Variants in RPS5 observed in about 807,000 individuals in gnomAD.
RPS5 encodes small ribosomal subunit protein uS7.
In RPS5, 2 loss-of-function variants were observed where a neutral mutation model predicts 20.9. That is an observed-to-expected ratio of 0.10 (90% confidence interval 0.04 to 0.30). The LOEUF (loss-of-function observed/expected upper bound fraction) is 0.30. Among genes scored for constraint, RPS5 ranks in the 10% least tolerant of loss-of-function variants. The pLI, the probability that RPS5 is intolerant of heterozygous loss-of-function variation, is 1.00. For missense variants in RPS5, 122 were observed against 287.2 expected, an observed-to-expected ratio of 0.42 and a Z score of 4.16; for synonymous variants, 112 against 105.8, an observed-to-expected ratio of 1.06 and a Z score of -0.36.
Position 58,393,164 on chromosome 19 carries a change from C to T in RPS5, c.297C>T (p.Ile99=), listed in dbSNP as rs149481790. The change falls in exon 3 of 6, where the codon ATC becomes ATT. Residue 99 remains isoleucine, a synonymous_variant. Coordinates refer to ENST00000196551, the MANE Select transcript of RPS5 (RefSeq NM_001009.4). ...TVRIVKHAFE[I]IHLLTGENPL... is the part of the protein sequence containing the mutation. Reference sequence around the variant, plus strand: ...GCATCGTCAAGCATGCCTTCGAGATCATACACCTGCTCACAGGCGAGGTAG... The same window carrying T: ...GCATCGTCAAGCATGCCTTCGAGATTATACACCTGCTCACAGGCGAGGTAG... The T allele has an allele frequency of 8.7e-6, 14 of 1,613,984 alleles. No homozygotes were observed. In the African/African-American group the frequency reaches 1.3e-4, roughly 15 times the overall value.
chr19:58,392,922 G>C, intron 2 of RPS5, 54 bp from the exon 3 acceptor site: 1 of 1,557,840 alleles, frequency 6.4e-7, no homozygotes, highest in African/African-American at 1.4e-5. Context: ...TCTGGCCAAC[G>C]CCCATGCTGC....
At chr19:58,394,112 TGTC>T (rs1004903689) in intron 4 of RPS5, 9 of 207,362 alleles carry the variant, frequency 4.3e-5, no homozygotes, top group African/African-American at 1.6e-4. Flanking sequence ...CCTTTTTTGT[TGTC>T]GTCGGTTTTT....
At chr19:58,388,830 C>T (rs910532329) in intron 2 of RPS5, among the ~76,000 whole-genome samples, 1 of 151,836 alleles carries the variant, frequency 6.6e-6, no homozygotes, top group Non-Finnish European at 1.5e-5. Flanking sequence ...AGGGTTTCAC[C>T]GAGTTAGCCA....
chr19:58,389,630 GTTTA>G lies in RPS5; in HGVS notation c.108+1401_108+1404del, dbSNP rs577166239. Reference sequence around the variant, plus strand: ...TAAATATTATTATTATTTTTTGTTTGTTTATTTATTTATTTATTTTTTTGAAACG... The same window carrying G: ...TAAATATTATTATTATTTTTTGTTTGTTTATTTATTTATTTTTTTGAAACG... On this transcript the variant is annotated intron_variant, in intron 2 of 5. Coordinates refer to ENST00000196551, the MANE Select transcript of RPS5 (RefSeq NM_001009.4). Among the ~76,000 whole-genome samples the G allele has an allele frequency of 7.6e-4, 116 of 151,728 alleles. 1 individual carries two copies. Among genetic ancestry groups the G allele is most frequent in the Non-Finnish European group, 1.3e-3 (87 of 67,912 alleles).
chr19:58,394,280 C>T, intron 4 of RPS5: 1 of 561,880 alleles, frequency 1.8e-6, no homozygotes, highest in South Asian at 2.0e-5. Context: ...TCTCAATCTC[C>T]TGTCACTGGG....
intron 2 of RPS5, among the ~76,000 whole-genome samples, chr19:58,391,472 G>A (rs537519331): frequency 4.1e-5 from 6 of 146,620 alleles, no homozygotes; most frequent in Non-Finnish European, 7.4e-5. Context: ...GCATGGTGAC[G>A]CATGTCTGTA....
chr19:58,388,075 T>C (rs1323580092), intron 1 of RPS5, 62 bp from the exon 2 acceptor site: 1 of 1,140,130 alleles, frequency 8.8e-7, no homozygotes, highest in Non-Finnish European at 1.3e-6. Context: ...TGGGAATGAG[T>C]GCGCCTTTGC....
At chr19:58,393,586 T>A in intron 4 of RPS5, 99 bp downstream of exon 4, 2 of 1,431,616 alleles carry the variant, frequency 1.4e-6, no homozygotes, top group Non-Finnish European at 1.9e-6. Flanking sequence ...CTGCATGTTT[T>A]ACCTGCAGCA....
At chr19:58,392,416 G>A (rs2052369620) in intron 2 of RPS5, among the ~76,000 whole-genome samples, 1 of 151,964 alleles carries the variant, frequency 6.6e-6, no homozygotes, top group African/African-American at 2.4e-5. Context: ...ACAAGGCCAG[G>A]AGTTCAAGAC....
chr19:58,392,924 C>A, intron 2 of RPS5, 52 bp from the exon 3 acceptor site: 1 of 1,568,528 alleles, frequency 6.4e-7, no homozygotes. Flanking sequence ...TGGCCAACGC[C>A]CATGCTGCTC....
chr19:58,393,536 T>C (rs1292682910), intron 4 of RPS5, 49 bp downstream of exon 4: 2 of 1,581,386 alleles, frequency 1.3e-6, no homozygotes, highest in East Asian at 2.3e-5. Context: ...GCCACGGGAG[T>C]GGGTGGGGTC....
intron 4 of RPS5, 59 bp from the exon 5 acceptor site, chr19:58,394,438 C>A: frequency 6.8e-7 from 1 of 1,476,192 alleles, no homozygotes; most frequent in Non-Finnish European, 9.5e-7. Flanking sequence ...TGGGAGTGGC[C>A]CCAGGGTGCT....
intron 2 of RPS5, among the ~76,000 whole-genome samples, chr19:58,391,337 CA>C (rs1189160790): frequency 4.1e-5 from 6 of 147,574 alleles, no homozygotes; most frequent in Non-Finnish European, 1.5e-5. Flanking sequence ...GAGGCTGATG[CA>C]GGAGAATCGC....
At chr19:58,389,385 G>A (rs577803638) in intron 2 of RPS5, among the ~76,000 whole-genome samples, 1 of 152,016 alleles carries the variant, frequency 6.6e-6, no homozygotes, top group Non-Finnish European at 1.5e-5. Flanking sequence ...GGATCTTCCT[G>A]TCTTAGACTC....
chr19:58,388,272 C>A, intron 2 of RPS5, 27 bp downstream of exon 2: 1 of 1,503,794 alleles, frequency 6.6e-7, no homozygotes, highest in Non-Finnish European at 9.2e-7. Flanking sequence ...GATTGGCCTT[C>A]CTGGCTGGGG....
chr19:58,389,301 ACT>A (rs1273179286), intron 2 of RPS5, among the ~76,000 whole-genome samples: 1 of 151,776 alleles, frequency 6.6e-6, no homozygotes, highest in Admixed American at 6.6e-5. Flanking sequence ...AGATAAGATC[ACT>A]CTCTGTCACC....
chr19:58,387,747 G>A (rs1184511202), intron 1 of RPS5: 2 of 245,050 alleles, frequency 8.2e-6, no homozygotes, highest in South Asian at 4.6e-5. Context: ...TAACGGTCCC[G>A]CCTCACGGCC....
Position 58,393,412 on chromosome 19 carries a change from C to T in RPS5, c.372C>T (p.Asp124=), listed in dbSNP as rs2052376660. ...TCATCAACAGTGGTCCCCGGGAGGA[C>T]TCCACACGCATTGGGCGCGCCGGGA... is the stretch of plus-strand genomic sequence containing the variant. The part of the protein sequence containing the change: ...NAIINSGPRE[D]STRIGRAGTV... Residue 124 remains aspartate, a synonymous_variant, in exon 4 of 6, where the codon GAC becomes GAT. Transcript: ENST00000196551. 3 of 1,613,702 alleles carry T rather than the reference C, an allele frequency of 1.9e-6. No homozygotes were observed. Among genetic ancestry groups the T allele is most frequent in the Middle Eastern group, 1.8e-4 (1 of 5,668 alleles).
chr19:58,394,198 C>G (rs1052134920), intron 4 of RPS5: 3 of 354,162 alleles, frequency 8.5e-6, no homozygotes, highest in Non-Finnish European at 1.1e-5. Flanking sequence ...GTTCCTCCTG[C>G]CTCAGCATCC....
Sources: gnomAD v4.1 joint callset for allele counts (sites outside exome capture counted in the v4.1 genomes callset) on GRCh38, gnomAD v4.1.1 for gene constraint, MANE v1.5 for transcripts, NCBI Gene and HGNC (gene_info 2026-07-23, HGNC 2026-07-21) for gene names.